Variants in RELCH observed in about 807,000 individuals in gnomAD.
The protein encoded by RELCH is RAB11-binding protein RELCH.
In RELCH, 41 loss-of-function variants were observed where a neutral mutation model predicts 150.3. That is an observed-to-expected ratio of 0.27 (90% CI 0.21 to 0.35). The LOEUF is 0.35. RELCH is among the 10% of genes least tolerant of loss of function. The probability of loss-of-function intolerance (pLI) is 1.00; values close to 1 mark genes in which losing one functional copy is unlikely to be tolerated. For synonymous variants in RELCH, 478 were observed against 531.8 expected, an observed-to-expected ratio of 0.90 and a Z score of 1.39; for missense variants, 1,092 against 1,467.8, an observed-to-expected ratio of 0.74 and a Z score of 4.18.
intron 11 of RELCH, among the ~76,000 whole-genome samples, chr18:62,251,325 A>C (rs973499217): frequency 1.3e-5 from 2 of 152,178 alleles, no homozygotes; most frequent in Non-Finnish European, 2.9e-5. Flanking sequence ...TTTAATCTTA[A>C]TCACACAGTT....
intron 10 of RELCH, among the ~76,000 whole-genome samples, chr18:62,242,802 T>C (rs2042215859): frequency 6.6e-6 from 1 of 152,082 alleles, no homozygotes; most frequent in South Asian, 2.1e-4. Flanking sequence ...TGCTTGTTTT[T>C]GAGATAAAGA....
intron 10 of RELCH, among the ~76,000 whole-genome samples, chr18:62,233,206 G>A (rs2041686453): frequency 6.6e-6 from 1 of 151,570 alleles, no homozygotes; most frequent in African/African-American, 2.4e-5. Context: ...GTGGATGTTT[G>A]CAGATAATTT....
At chr18:62,217,140 T>TA (rs1258874865) in intron 2 of RELCH, among the ~76,000 whole-genome samples, 1 of 152,020 alleles carries the variant, frequency 6.6e-6, no homozygotes, top group African/African-American at 2.4e-5. Context: ...ATATGTTCAT[T>TA]AAATTTTAGT....
Position 62,187,614 on chromosome 18 carries a change from G to T in RELCH, c.109G>T (p.Ala37Ser). ...DEVAATEERRAVLRLGAGSGL... is the reference protein window; with the variant it reads ...DEVAATEERRSVLRLGAGSGL... ...GGTAGCTGCAACAGAGGAACGGCGG[G>T]CAGTACTTCGGCTGGGCGCCGGAAG... Residue 37 changes from alanine (A) to serine (S), a missense_variant, in exon 1 of 29, where the codon GCA becomes TCA. Ala to Ser is a moderately conservative substitution (Grantham distance 99). This residue lies in a region of RELCH where 138 missense variants were observed against 124.8 expected (regional missense o/e 1.11). Transcript: ENST00000644646. 6.5e-7 allele frequency: 1 copy of T among 1,534,800 alleles called. No individual in the cohort carries two copies. Among genetic ancestry groups the T allele is most frequent in the Non-Finnish European group, 8.8e-7 (1 of 1,139,432 alleles).
At chr18:62,284,923 ACT>A (rs1211746270) in intron 25 of RELCH, among the ~76,000 whole-genome samples, 1 of 151,676 alleles carries the variant, frequency 6.6e-6, no homozygotes, top group Non-Finnish European at 1.5e-5. Flanking sequence ...ACTTAGTAAG[ACT>A]CTCTGAAAAT....
chr18:62,271,853 C>A (rs2043921381), intron 20 of RELCH, among the ~76,000 whole-genome samples: 1 of 152,070 alleles, frequency 6.6e-6, no homozygotes, highest in African/African-American at 2.4e-5. Flanking sequence ...GAATCCTTTC[C>A]CCATTTCTTG....
intron 10 of RELCH, among the ~76,000 whole-genome samples, chr18:62,242,758 G>T (rs377445907): frequency 2.0e-5 from 3 of 152,212 alleles, no homozygotes; most frequent in Non-Finnish European, 4.4e-5. Flanking sequence ...AATATAAGGC[G>T]TAAAGGATAA....
rs575032835 is a variant in RELCH, at chr18:62,208,478, C to A, written c.527-2675C>A. Among the ~76,000 whole-genome samples the A allele has an allele frequency of 5.9e-5, 9 of 152,078 alleles. No individual in the cohort carries two copies. In the South Asian group the frequency reaches 1.7e-3, roughly 28 times the overall value. ...ACAAAAACGTCATAGCTCAGAAGAACGCAAATTTATTACCTCATGGTTCTT... is the reference window on the plus strand; with the variant it reads ...ACAAAAACGTCATAGCTCAGAAGAAAGCAAATTTATTACCTCATGGTTCTT... On this transcript the variant is annotated intron_variant, in intron 1 of 28. Transcript: ENST00000644646.
chr18:62,190,381 A>G (rs956110565), intron 1 of RELCH, among the ~76,000 whole-genome samples: 3 of 152,166 alleles, frequency 2.0e-5, no homozygotes, highest in Non-Finnish European at 4.4e-5. Context: ...TTTCGAGACC[A>G]GCCTGGCCAA....
At chr18:62,255,874 A>C (rs2042971274) in intron 13 of RELCH, among the ~76,000 whole-genome samples, 1 of 152,116 alleles carries the variant, frequency 6.6e-6, no homozygotes, top group Non-Finnish European at 1.5e-5. Flanking sequence ...ATGCTGCTGC[A>C]TTAGCACTAA....
At chr18:62,279,275 T>C (rs1049376167) in intron 22 of RELCH, among the ~76,000 whole-genome samples, 13 of 152,198 alleles carry the variant, frequency 8.5e-5, no homozygotes, top group African/African-American at 3.1e-4. Context: ...AGATTAGGAA[T>C]TGTCCTATAT....
chr18:62,253,064 C>A (rs1377401818), intron 12 of RELCH, among the ~76,000 whole-genome samples: 2 of 151,978 alleles, frequency 1.3e-5, no homozygotes, highest in Non-Finnish European at 2.9e-5. Context: ...AAATGGTCTG[C>A]TATTTTGTAG....
chr18:62,226,134 G>A (rs1032249445), intron 5 of RELCH, among the ~76,000 whole-genome samples: 6 of 151,942 alleles, frequency 3.9e-5, no homozygotes, highest in Non-Finnish European at 7.4e-5. Context: ...AAATTAATAT[G>A]CCAATTTCTT....
In RELCH at chr18:62,310,009, T is replaced by C. The variant is rs182845256; in HGVS notation, c.*4475T>C. 9.9e-4 allele frequency: 151 copies of C among 152,316 alleles called. 1 individual carries two copies. The highest frequency in any genetic ancestry group is 3.5e-3 in the African/African-American group (147 of 41,566). 9.4% of individuals were successfully genotyped at this position (152,316 alleles called of 1,614,324 possible). Reference sequence around the variant, plus strand: ...TGTTGGCATTTTAAACCTTAGATATTTTCAGGACATGCATCTTCAATGAAG... The same window carrying C: ...TGTTGGCATTTTAAACCTTAGATATCTTCAGGACATGCATCTTCAATGAAG... On this transcript the variant is annotated 3_prime_UTR_variant, in exon 29 of 29. Coordinates refer to ENST00000644646, the MANE Select transcript of RELCH (RefSeq NM_001346231.2).
chr18:62,221,282 AC>A lies in RELCH; in HGVS notation c.744+9del. On this transcript the variant is annotated intron_variant, in intron 4 of 28. Transcript: ENST00000644646. ...TCAAGTCCTGAAATTCAGGTGGGTG[AC>A]AGAAGACAAATGTAAAATTAATCTT... 6.2e-7 allele frequency: 1 copy of A among 1,601,752 alleles called. No homozygotes were observed. The highest frequency in any genetic ancestry group is 8.6e-7 in the Non-Finnish European group (1 of 1,169,188).
At chr18:62,240,022 G>A (rs1175487041) in intron 10 of RELCH, among the ~76,000 whole-genome samples, 2 of 151,620 alleles carry the variant, frequency 1.3e-5, no homozygotes, top group African/African-American at 4.8e-5. Flanking sequence ...GTACTGATAA[G>A]CCAAGATACA....
rs17646799 is a variant in RELCH at position 62,287,430 on chromosome 18, G to C, written c.3333G>C (p.Thr1111=). ...IVDSKRLDIA[T]HLFEAYSALS... is the part of the protein sequence containing the mutation. ...ATTCTAAAAGACTGGACATTGCTAC[G>C]CATCTTTTTGAAGCCTACAGTGCAC... The change falls in exon 26 of 29, where the codon ACG becomes ACC. Residue 1111 remains threonine, a synonymous_variant. Transcript: ENST00000644646. 2 of 1,606,358 alleles carry C rather than the reference G, an allele frequency of 1.2e-6. No homozygotes were observed. The highest frequency in any genetic ancestry group is 4.5e-5 in the East Asian group (2 of 44,624).
intron 22 of RELCH, 28 bp downstream of exon 22, chr18:62,275,501 T>A: frequency 1.4e-6 from 2 of 1,411,306 alleles, no homozygotes; most frequent in Non-Finnish European, 2.0e-6. Flanking sequence ...TCTGTTGGTT[T>A]CAATTATAAT....
At chr18:62,205,183 A>G (rs1489537867) in intron 1 of RELCH, among the ~76,000 whole-genome samples, 1 of 152,220 alleles carries the variant, frequency 6.6e-6, no homozygotes, top group African/African-American at 2.4e-5. Context: ...CATGCATGTC[A>G]TTAATTAGAG....
Sources: allele counts gnomAD v4.1 joint callset (sites outside exome capture counted in the v4.1 genomes callset), GRCh38; gene constraint gnomAD v4.1.1; regional missense constraint gnomAD v4.1.1; transcripts MANE v1.5; gene names NCBI Gene and HGNC (gene_info 2026-07-23, HGNC 2026-07-21).